Variants in FRA10AC1 observed in about 807,000 individuals in gnomAD.
FRA10AC1 encodes the protein protein FRA10AC1.
Under a neutral mutation model 56.5 loss-of-function variants are expected in FRA10AC1, and 43 were observed. The ratio of observed to expected loss-of-function variants is 0.76; its 90% CI spans 0.60 to 0.98. The LOEUF (loss-of-function observed/expected upper bound fraction) is 0.98, where lower values mean the gene tolerates loss of function less well. FRA10AC1 is among the 50% of genes least tolerant of loss of function. The pLI is 0.00. For synonymous variants in FRA10AC1, 112 were observed against 110.5 expected (o/e 1.01, Z -0.09); for missense variants, 346 against 351.8 (o/e 0.98, Z 0.13).
At chr10:93,698,000 G>T in intron 4 of FRA10AC1, 136 bp downstream of exon 4, 2 of 507,136 alleles carry the variant, frequency 3.9e-6, no homozygotes, top group South Asian at 4.6e-5. Flanking sequence ...AGTATAAATG[G>T]CAAAATCCTA....
chr10:93,672,406 A>G (rs2058776743), intron 12 of FRA10AC1: 1 of 154,054 alleles, frequency 6.5e-6, no homozygotes, highest in African/African-American at 2.4e-5. Context: ...CAGTGTCCCA[A>G]ATTGATAATG....
chr10:93,688,892 C>T (rs760865544), intron 7 of FRA10AC1, among the ~76,000 whole-genome samples: 51 of 152,110 alleles, frequency 3.4e-4, no homozygotes, highest in Non-Finnish European at 6.2e-4. Flanking sequence ...TCAAGAAGCT[C>T]TTGTCACTCA....
At position 93,669,749 on chromosome 10, in the gene FRA10AC1, T is replaced by C. The variant is rs947475165; in HGVS notation, c.*77A>G. On this transcript the variant is annotated 3_prime_UTR_variant, in exon 14 of 14. Transcript: ENST00000359204. ...GCTGTAACTTGCAGATAAAAACTTA[T>C]ATGGAATTTCAAATTGCATGAAGTT... 38 of 950,084 alleles carry C rather than the reference T, an allele frequency of 4.0e-5. No homozygotes were observed. Among genetic ancestry groups the C allele is most frequent in the East Asian group, 7.8e-5 (3 of 38,398 alleles). 58.9% of individuals were successfully genotyped at this position (950,084 alleles called of 1,614,324 possible). A position where few individuals can be genotyped will look rare whatever the true frequency, so the allele number is the denominator to read the frequency against.
chr10:93,698,088 T>C, intron 4 of FRA10AC1, 48 bp downstream of exon 4: 1 of 1,104,882 alleles, frequency 9.1e-7, no homozygotes, highest in African/African-American at 1.6e-5. Flanking sequence ...AAAGCAGATT[T>C]TAAAATATTC....
chr10:93,678,253 G>T (rs956625182), intron 11 of FRA10AC1, among the ~76,000 whole-genome samples: 5 of 152,164 alleles, frequency 3.3e-5, no homozygotes, highest in African/African-American at 1.2e-4. Context: ...TGAACATTTT[G>T]CCAAGACAGT....
At chr10:93,671,991 T>C (rs2058770130) in intron 12 of FRA10AC1, 3 of 425,630 alleles carry the variant, frequency 7.0e-6, no homozygotes, top group Non-Finnish European at 1.4e-5. Flanking sequence ...ATTAGTCAAC[T>C]AAAAATTTAA....
intron 4 of FRA10AC1, 67 bp from the exon 5 acceptor site, chr10:93,695,004 T>C (rs1309535344): frequency 1.2e-6 from 1 of 816,692 alleles, no homozygotes; most frequent in Non-Finnish European, 2.1e-6. Context: ...ATATTGCTGA[T>C]TGGTGGTAAA....
At chr10:93,687,523 T>G (rs1231968005) in intron 7 of FRA10AC1, 74 bp from the exon 8 acceptor site, 3 of 1,291,614 alleles carry the variant, frequency 2.3e-6, no homozygotes, top group Middle Eastern at 2.0e-4. Flanking sequence ...GAGCCAACAA[T>G]GACATTCACC....
rs976375891 is a variant in FRA10AC1 at position 93,678,597 on chromosome 10, A to T, written c.788-1906T>A. On this transcript the variant is annotated intron_variant, in intron 11 of 13. Transcript: ENST00000359204. Reference sequence around the variant, plus strand: ...GGTAATCCCAGCACTTTGGGGGGCCAAGGTGAGAGAATTGCTTGAGGCCAG... The same window carrying T: ...GGTAATCCCAGCACTTTGGGGGGCCTAGGTGAGAGAATTGCTTGAGGCCAG... Among the ~76,000 whole-genome samples, 3 of 152,124 alleles carry T rather than the reference A, an allele frequency of 2.0e-5. No homozygotes were observed. The East Asian group carries it at 5.8e-4, about 29-fold the overall frequency.
Position 93,684,106 on chromosome 10 carries a change from G to C in FRA10AC1, c.626-8C>G. The stretch of plus-strand genomic sequence containing the variant: ...AACATTCTTGGCATAACCCTAAAAA[G>C]AAAAGACACCACTGAATGGCTGATT... On this transcript the variant is annotated splice_polypyrimidine_tract_variant and splice_region_variant and intron_variant, in intron 9 of 13. Coordinates refer to ENST00000359204, the MANE Select transcript of FRA10AC1 (RefSeq NM_145246.5). The C allele has an allele frequency of 6.2e-7, 1 of 1,601,432 alleles. No individual in the cohort carries two copies. The highest frequency in any genetic ancestry group is 8.5e-7 in the Non-Finnish European group (1 of 1,169,868).
At chr10:93,672,349 C>A (rs1170709816) in intron 12 of FRA10AC1, 4 of 155,528 alleles carry the variant, frequency 2.6e-5, no homozygotes, top group South Asian at 1.9e-4. Flanking sequence ...AAATTTTAAT[C>A]TTGAAAACAA....
upstream of FRA10AC1, chr10:93,702,939 C>T: frequency 2.2e-6 from 1 of 455,090 alleles, no homozygotes; most frequent in Admixed American, 2.4e-5. Flanking sequence ...AGCAGCTCAT[C>T]AGCGCTTCAG....
chr10:93,681,344 A>C, intron 11 of FRA10AC1, 136 bp downstream of exon 11: 2 of 596,478 alleles, frequency 3.4e-6, no homozygotes, highest in East Asian at 6.4e-5. Context: ...TTCATATCTA[A>C]ATTCTCAGCC....
chr10:93,685,008 C>G (rs2058999850), intron 9 of FRA10AC1, among the ~76,000 whole-genome samples: 1 of 152,092 alleles, frequency 6.6e-6, no homozygotes, highest in Non-Finnish European at 1.5e-5. Flanking sequence ...GAGCCCCACT[C>G]TACAAATTAC....
chr10:93,675,712 AT>A, intron 12 of FRA10AC1: 2 of 332,032 alleles, frequency 6.0e-6, no homozygotes, highest in South Asian at 2.2e-5. Flanking sequence ...CTCCAAAAAA[AT>A]AAAATAAAAT....
intron 10 of FRA10AC1, among the ~76,000 whole-genome samples, chr10:93,683,041 A>C (rs1035311732): frequency 1.3e-5 from 2 of 152,224 alleles, no homozygotes; most frequent in African/African-American, 4.8e-5. Flanking sequence ...TATCCAGCGC[A>C]TAAAACCTGA....
intron 8 of FRA10AC1, among the ~76,000 whole-genome samples, chr10:93,685,737 CA>C (rs1203418591): frequency 1.3e-5 from 2 of 149,710 alleles, no homozygotes; most frequent in Admixed American, 6.6e-5. Context: ...ATACCCCCCC[CA>C]AAAAAAAACG....
chr10:93,689,213 G>A (rs899035530), intron 7 of FRA10AC1, among the ~76,000 whole-genome samples: 5 of 151,776 alleles, frequency 3.3e-5, no homozygotes, highest in African/African-American at 1.2e-4. Flanking sequence ...TCCCACCTCA[G>A]CCTCCCAAAG....
At position 93,684,178 on chromosome 10, in the gene FRA10AC1, CTT is replaced by C. The variant is rs576966582; in HGVS notation, c.626-82_626-81del. The C allele has an allele frequency of 3.4e-4, 355 of 1,031,296 alleles. 1 individual carries two copies. The highest frequency in any genetic ancestry group is 2.7e-3 in the African/African-American group (172 of 62,692). The allele number at this position is 1,031,296 out of a possible 1,614,324, so 63.9% of individuals were successfully genotyped here. ...CTACTTTTAATATCATAAATTCGCA[CTT>C]TCTTTATATTCCATTACTATAAGAG... On this transcript the variant is annotated intron_variant, in intron 9 of 13. Transcript: ENST00000359204.
Sources: gnomAD v4.1 joint callset for allele counts (sites outside exome capture counted in the v4.1 genomes callset) on GRCh38, gnomAD v4.1.1 for gene constraint, MANE v1.5 for transcripts, NCBI Gene and HGNC (gene_info 2026-07-23, HGNC 2026-07-21) for gene names.